Variants in HIPK1 observed in about 807,000 individuals in gnomAD.
The protein encoded by HIPK1 is homeodomain-interacting protein kinase 1.
HIPK1 carries 28 observed loss-of-function variants against 117.1 expected under a neutral mutation model. That is an observed-to-expected ratio of 0.24 (90% CI 0.18 to 0.33). The LOEUF (loss-of-function observed/expected upper bound fraction) is 0.33, where lower values mean the gene tolerates loss of function less well. HIPK1 is among the 10% of genes least tolerant of loss of function. The pLI is 1.00. For missense variants in HIPK1, 1,122 were observed against 1,475.1 expected (o/e 0.76, Z 3.92); for synonymous variants, 605 against 562.5 (o/e 1.08, Z -1.07).
rs774515837 is a variant in HIPK1 at position 113,931,642 on chromosome 1, A to C, written c.-3+2110A>C. 1.5e-3 allele frequency among the ~76,000 whole-genome samples: 231 copies of C among 152,350 alleles called. 1 individual carries two copies. Among genetic ancestry groups the C allele is most frequent in the Non-Finnish European group, 2.0e-3 (135 of 68,032 alleles). ...AAACCAGAACTTCCTTCTAAAAGAA[A>C]AAAAAAGAAGAGATAATCTCAAAGT... On this transcript the variant is annotated intron_variant, in intron 1 of 15. Transcript: ENST00000426820.
chr1:113,930,999 ACT>A (rs1421211497), intron 1 of HIPK1: 3 of 152,074 alleles, frequency 2.0e-5, no homozygotes, highest in African/African-American at 7.2e-5. Context: ...TCAGCTATAG[ACT>A]CTCTGTCCCA....
intron 1 of HIPK1, 96 bp from the exon 2 acceptor site, chr1:113,940,286 T>C: frequency 8.8e-7 from 1 of 1,133,170 alleles, no homozygotes; most frequent in South Asian, 1.5e-5. Context: ...ATGTTTCTTT[T>C]ATCAAGTAAA....
At chr1:113,952,464 C>G (rs565863068) in intron 2 of HIPK1, among the ~76,000 whole-genome samples, 1 of 152,216 alleles carries the variant, frequency 6.6e-6, no homozygotes, top group East Asian at 1.9e-4. Flanking sequence ...TATGACTGTT[C>G]CATGTTTTGT....
At chr1:113,971,453 A>G (rs915963739) in intron 14 of HIPK1, among the ~76,000 whole-genome samples, 1 of 152,226 alleles carries the variant, frequency 6.6e-6, no homozygotes, top group African/African-American at 2.4e-5. Flanking sequence ...AGAATTACCA[A>G]TAGCTTTCTC....
intron 1 of HIPK1, 87 bp from the exon 2 acceptor site, chr1:113,940,293 TAA>T (rs1670561894): frequency 1.7e-6 from 2 of 1,186,126 alleles, no homozygotes; most frequent in African/African-American, 3.1e-5. Context: ...TTTTATCAAG[TAA>T]AAGTGTGTGT....
intron 8 of HIPK1, among the ~76,000 whole-genome samples, chr1:113,960,420 ATAC>A (rs1435936814): frequency 2.0e-5 from 3 of 152,200 alleles, no homozygotes; most frequent in Non-Finnish European, 2.9e-5. Context: ...AGTACTATAA[ATAC>A]TACTTTCCAT....
chr1:113,934,046 G>A (rs553378141), intron 1 of HIPK1, among the ~76,000 whole-genome samples: 2 of 152,286 alleles, frequency 1.3e-5, no homozygotes, highest in South Asian at 4.1e-4. Context: ...CTTATCATCT[G>A]TAAAAAATAT....
rs536891335 is a variant in HIPK1, at chr1:113,966,408, C to G, written c.2381+136C>G. 4.8e-5 allele frequency: 34 copies of G among 712,056 alleles called. 1 individual carries two copies. In the South Asian group the frequency reaches 9.1e-4, roughly 19 times the overall value. The allele number at this position is 712,056 out of a possible 1,614,324, so 44.1% of individuals were successfully genotyped here. ...GTTGGAATCCTTTAAGAACCCATAT[C>G]AGGCTAGGAGATGGTGTTATAAGAA... On this transcript the variant is annotated intron_variant, in intron 11 of 15. Coordinates refer to ENST00000426820, the MANE Select transcript of HIPK1 (RefSeq NM_198268.3).
At chr1:113,968,979 C>T (rs1246435640) in intron 13 of HIPK1, among the ~76,000 whole-genome samples, 1 of 152,180 alleles carries the variant, frequency 6.6e-6, no homozygotes. Context: ...GAGATCGTGC[C>T]ACTGTACTCC....
chr1:113,956,517 C>G (rs1422794876), intron 5 of HIPK1, 110 bp from the exon 6 acceptor site: 1 of 583,364 alleles, frequency 1.7e-6, no homozygotes, highest in Non-Finnish European at 2.8e-6. Flanking sequence ...CCCCAGGTTT[C>G]TCTTTTGATT....
Position 113,941,388 on chromosome 1 carries a change from C to T in HIPK1, c.1005C>T (p.Val335=). The change falls in exon 2 of 16, where the codon GTC becomes GTT. Residue 335 remains valine (V), a synonymous_variant. Coordinates refer to ENST00000426820, the MANE Select transcript of HIPK1 (RefSeq NM_198268.3). The surrounding 1 kb of genome is among the most constrained non-coding windows in gnomAD (Gnocchi z 4.9). The part of the protein sequence containing the change: ...DPVRQPYRVK[V]IDFGSASHVS... ...TTCGCCAGCCCTACCGAGTGAAGGT[C>T]ATTGACTTTGGTTCTGCTAGTCACG... 1 of 1,614,216 alleles carries T rather than the reference C, an allele frequency of 6.2e-7. No individual in the cohort carries two copies. The highest frequency in any genetic ancestry group is 8.5e-7 in the Non-Finnish European group (1 of 1,180,040).
Position 113,973,387 on chromosome 1 carries a change from G to A in HIPK1, c.3508G>A (p.Val1170Met), listed in dbSNP as rs534553120. ...GCCCAGCCTCCTCACTTCTGCCAGC[G>A]TGGCCCCTGCTCAGTACCAACACCA... Reference protein sequence around the residue: ...VGPSLLTSASVAPAQYQHQFA... With the variant: ...VGPSLLTSASMAPAQYQHQFA... The change falls in exon 16 of 16, where the codon GTG becomes ATG. Residue 1170 changes from valine to methionine, a missense_variant. This residue lies in a region of HIPK1 where 731 missense variants were observed against 860.4 expected (regional missense o/e 0.85). Coordinates refer to ENST00000426820, the MANE Select transcript of HIPK1 (RefSeq NM_198268.3). 72 of 1,614,054 alleles carry A rather than the reference G, an allele frequency of 4.5e-5. No homozygotes were observed. The highest frequency in any genetic ancestry group is 2.9e-4 in the East Asian group (13 of 44,888).
chr1:113,975,950 T>C lies in HIPK1; in HGVS notation c.*2438T>C, dbSNP rs11546187. On this transcript the variant is annotated 3_prime_UTR_variant, in exon 16 of 16. Coordinates refer to ENST00000426820, the MANE Select transcript of HIPK1 (RefSeq NM_198268.3). Reference sequence around the variant, plus strand: ...TCCTAAAATACAGGTGTGTTCCATCTGAATTGAAAATGATATATTTGAGAT... The same window carrying C: ...TCCTAAAATACAGGTGTGTTCCATCCGAATTGAAAATGATATATTTGAGAT... 3,001 of 152,822 alleles carry C rather than the reference T, an allele frequency of 0.02. 66 individuals carry two copies. The highest frequency in any genetic ancestry group is 0.029 in the Non-Finnish European group (2,002 of 68,020). 9.5% of individuals were successfully genotyped at this position (152,822 alleles called of 1,614,324 possible). A position where few individuals can be genotyped will look rare whatever the true frequency, so the allele number is the denominator to read the frequency against.
chr1:113,931,268 C>T (rs1282227636), intron 1 of HIPK1, among the ~76,000 whole-genome samples: 1 of 149,022 alleles, frequency 6.7e-6, no homozygotes, highest in Non-Finnish European at 1.5e-5. Flanking sequence ...TAAAATCTAA[C>T]AAATCATTTG....
chr1:113,929,550 G>A lies in HIPK1; in HGVS notation c.-3+18G>A, dbSNP rs958437277. 3.9e-6 allele frequency: 5 copies of A among 1,283,746 alleles called. No homozygotes were observed. Among genetic ancestry groups the A allele is most frequent in the Non-Finnish European group, 5.1e-6 (5 of 984,456 alleles). 79.5% of individuals were successfully genotyped at this position (1,283,746 alleles called of 1,614,324 possible). On this transcript the variant is annotated intron_variant, in intron 1 of 15. Coordinates refer to ENST00000426820, the MANE Select transcript of HIPK1 (RefSeq NM_198268.3). ...CCGCCTCAGTAGGTGTCATGGCGCG[G>A]GGCGGGTGAATAGTTCCGGCGAGGC...
At chr1:113,968,254 G>A (rs1042512988) in intron 12 of HIPK1, among the ~76,000 whole-genome samples, 188 bp from the exon 13 acceptor site, 1 of 152,140 alleles carries the variant, frequency 6.6e-6, no homozygotes. Context: ...GTATTTTGGT[G>A]TTCTTGTCCC....
Position 113,940,783 on chromosome 1 carries a change from G to T in HIPK1, c.400G>T (p.Gly134Cys). 5.6e-6 allele frequency: 9 copies of T among 1,614,054 alleles called. No homozygotes were observed. Among genetic ancestry groups the T allele is most frequent in the Non-Finnish European group, 6.8e-6 (8 of 1,180,026 alleles). ...KRKSEEVDSNGSVQIIEEHPP... is the reference protein window; with the variant it reads ...KRKSEEVDSNCSVQIIEEHPP... ...AAAAAGTGAGGAAGTTGACAGCAAC[G>T]GTAGTGTGCAGATCATAGAAGAACA... Residue 134 changes from glycine to cysteine, a missense_variant, in exon 2 of 16, where the codon GGT (glycine) becomes TGT (cysteine). Around this residue, in one of 6 missense-constraint regions of HIPK1, gnomAD observed 192 missense variants for 234.0 expected, o/e 0.82. Coordinates refer to ENST00000426820, the MANE Select transcript of HIPK1 (RefSeq NM_198268.3).
In HIPK1 at chr1:113,970,111, T is replaced by C. The variant is rs1371476482; in HGVS notation, c.2927T>C (p.Val976Ala). ...GSVLEGPGRVVADGTGTRTII... is the reference protein window; with the variant it reads ...GSVLEGPGRVAADGTGTRTII... ...GTTTTGGAGGGGCCTGGCAGAGTTG[T>C]GGCAGATGGCACTGGCACCCGCACT... Residue 976 changes from valine (V) to alanine (A), a missense_variant, in exon 14 of 16, where the codon GTG becomes GCG. Val to Ala is a moderately conservative substitution (Grantham distance 64, BLOSUM62 0). Coordinates refer to ENST00000426820, the MANE Select transcript of HIPK1 (RefSeq NM_198268.3). 1 of 1,614,062 alleles carries C rather than the reference T, an allele frequency of 6.2e-7. No individual in the cohort carries two copies. The highest frequency in any genetic ancestry group is 1.3e-5 in the African/African-American group (1 of 74,914).
At chr1:113,937,007 T>C (rs1451786684) in intron 1 of HIPK1, among the ~76,000 whole-genome samples, 2 of 152,214 alleles carry the variant, frequency 1.3e-5, no homozygotes, top group African/African-American at 4.8e-5. Context: ...ACACATATAT[T>C]TTAATAGGTG....
Sources: allele counts gnomAD v4.1 joint callset (sites outside exome capture counted in the v4.1 genomes callset), GRCh38; gene constraint gnomAD v4.1.1; regional missense constraint gnomAD v4.1.1; non-coding constraint Gnocchi (gnomAD v3.1); transcripts MANE v1.5; gene names NCBI Gene and HGNC (gene_info 2026-07-23, HGNC 2026-07-21).